The following SUZ12 variants were observed in gnomAD, a reference collection of about 807,000 sequenced individuals.
SUZ12 encodes SUZ12 polycomb repressive complex 2 subunit, also known as polycomb protein SUZ12.
SUZ12 carries 17 observed loss-of-function variants against 87.3 expected under a neutral mutation model. The observed-to-expected ratio is 0.19, with a 90% CI of 0.13 to 0.29. The LOEUF is 0.29. Among genes scored for constraint, SUZ12 ranks in the 10% least tolerant of loss-of-function variants. SUZ12 has a pLI of 1.00. For synonymous variants in SUZ12, 253 were observed against 312.4 expected (o/e 0.81, Z 2.01); for missense variants, 526 against 912.2 (o/e 0.58, Z 5.45).
Position 31,953,271 on chromosome 17 carries a change from A to G in SUZ12, c.455+5586A>G, listed in dbSNP as rs537581190. 1.9e-4 allele frequency among the ~76,000 whole-genome samples: 29 copies of G among 151,826 alleles called. 1 individual carries two copies. The South Asian group carries it at 6.0e-3, about 32-fold the overall frequency. ...CAGGCATCTGCCACCACACCTGGCT[A>G]ATTTTTGTTTTTTGTTTTCCAGTAG... On this transcript the variant is annotated intron_variant, in intron 4 of 15. Transcript: ENST00000322652.
chr17:31,966,905 A>T (rs1465636567), intron 5 of SUZ12: 1 of 152,214 alleles, frequency 6.6e-6, no homozygotes, highest in African/African-American at 2.4e-5. Context: ...AAATACGGCC[A>T]GGCGCAGTGG....
intron 4 of SUZ12, among the ~76,000 whole-genome samples, chr17:31,947,902 A>G (rs1273110030): frequency 6.6e-6 from 1 of 152,126 alleles, no homozygotes; most frequent in East Asian, 1.9e-4. Flanking sequence ...GTGTAGTTGT[A>G]TTTATTATTG....
At position 31,994,701 on chromosome 17, in the gene SUZ12, C is replaced by T. The variant is rs2142216067; in HGVS notation, c.1575C>T (p.Ile525=). ...SRNGPVKRTP[I]THILVCRPKR... ...ACGGACCAGTTAAGAGAACACCTAT[C>T]ACACATATTCTTGTGTGCAGGTAGG... The change falls in exon 13 of 16, where the codon ATC becomes ATT. Residue 525 remains isoleucine, a synonymous_variant. Transcript: ENST00000322652. 6.2e-7 allele frequency: 1 copy of T among 1,613,652 alleles called. No individual in the cohort carries two copies. The highest frequency in any genetic ancestry group is 1.3e-5 in the African/African-American group (1 of 75,014).
chr17:31,937,199 CG>C lies in SUZ12; in HGVS notation c.-44del, dbSNP rs1338475190. ...GTTGGTATTGCAGGCGCTTGCTCTC[CG>C]GGGCCGCCCGGCGGGTAGCTGGCGG... On this transcript the variant is annotated 5_prime_UTR_variant, in exon 1 of 16. Transcript: ENST00000322652. The C allele has an allele frequency of 2.2e-6, 3 of 1,390,874 alleles. No homozygotes were observed. The highest frequency in any genetic ancestry group is 1.6e-5 in the South Asian group (1 of 62,280). 86.2% of individuals were successfully genotyped at this position (1,390,874 alleles called of 1,614,324 possible).
intron 15 of SUZ12, among the ~76,000 whole-genome samples, chr17:31,997,417 C>T (rs1170618185): frequency 6.6e-6 from 1 of 152,122 alleles, no homozygotes; most frequent in African/African-American, 2.4e-5. Flanking sequence ...AATCCCAGTA[C>T]TTTGGGAGGC....
chr17:31,974,759 T>G (rs1488050288), intron 6 of SUZ12, among the ~76,000 whole-genome samples: 1 of 152,116 alleles, frequency 6.6e-6, no homozygotes, highest in Admixed American at 6.6e-5. Context: ...AAATAGAAAT[T>G]TTTTTAGACT....
intron 4 of SUZ12, among the ~76,000 whole-genome samples, chr17:31,954,143 A>G (rs1173414409): frequency 1.3e-5 from 2 of 151,828 alleles, no homozygotes; most frequent in East Asian, 1.9e-4. Flanking sequence ...GCTCACTGCA[A>G]CCTCCGCCTC....
chr17:31,986,243 A>G (rs954147180), intron 9 of SUZ12, among the ~76,000 whole-genome samples: 9 of 152,080 alleles, frequency 5.9e-5, no homozygotes, highest in Admixed American at 3.9e-4. Flanking sequence ...TGCCCGGCCT[A>G]TCTGGAAGCT....
intron 4 of SUZ12, among the ~76,000 whole-genome samples, chr17:31,952,298 G>C (rs1361385868): frequency 6.6e-6 from 1 of 152,178 alleles, no homozygotes; most frequent in African/African-American, 2.4e-5. Context: ...GGCCTCAAGT[G>C]ATCCTTTCAG....
intron 4 of SUZ12, among the ~76,000 whole-genome samples, chr17:31,957,398 C>T (rs1428954468): frequency 6.6e-6 from 1 of 151,854 alleles, no homozygotes; most frequent in Non-Finnish European, 1.5e-5. Flanking sequence ...CACCACCATA[C>T]CCGGATAATT....
Position 31,994,626 on chromosome 17 carries a change from A to C in SUZ12, c.1500A>C (p.Ala500=). Residue 500 remains alanine, a synonymous_variant, in exon 13 of 16, where the codon GCA becomes GCC. Coordinates refer to ENST00000322652, the MANE Select transcript of SUZ12 (RefSeq NM_015355.4). The part of the protein sequence containing the change: ...SINECYDGSY[A]GNPQDIHRQP... ...ATGAGTGTTATGATGGCTCCTATGC[A>C]GGAAATCCTCAGGATATTCATCGCC... 2 of 1,614,092 alleles carry C rather than the reference A, an allele frequency of 1.2e-6. No individual in the cohort carries two copies. Among genetic ancestry groups the C allele is most frequent in the Middle Eastern group, 3.3e-4 (2 of 6,062 alleles).
chr17:31,963,490 A>AT (rs984209743), intron 4 of SUZ12, among the ~76,000 whole-genome samples: 27 of 113,724 alleles, frequency 2.4e-4, no homozygotes, highest in Middle Eastern at 4.3e-3. Context: ...GTTCTTAGGT[A>AT]TTTTTTTTGT....
Position 32,000,021 on chromosome 17 carries a change from G to A in SUZ12, c.*1018G>A, listed in dbSNP as rs917981560. ...GATAAGCTGACTTGAATCATTTTGA[G>A]CAATTTTGCCCTGTGTTATATGTGT... On this transcript the variant is annotated 3_prime_UTR_variant, in exon 16 of 16. Coordinates refer to ENST00000322652, the MANE Select transcript of SUZ12 (RefSeq NM_015355.4). 4.3e-6 allele frequency: 1 copy of A among 232,668 alleles called. No individual in the cohort carries two copies. Among genetic ancestry groups the A allele is most frequent in the Non-Finnish European group, 8.5e-6 (1 of 117,806 alleles). The allele number at this position is 232,668 out of a possible 1,614,324, so 14.4% of individuals were successfully genotyped here.
chr17:31,947,663 A>G lies in SUZ12; in HGVS notation c.433A>G (p.Lys145Glu), dbSNP rs1184249800. Residue 145 changes from lysine to glutamate, a missense_variant, in exon 4 of 16, where the codon AAA (lysine) becomes GAA (glutamate). Coordinates refer to ENST00000322652, the MANE Select transcript of SUZ12 (RefSeq NM_015355.4). ...TATGTTATCAAAAGTAGAGAAAATGAAAGGAGAGCAAGAATCTCATAGGTA... is the reference window on the plus strand; with the variant it reads ...TATGTTATCAAAAGTAGAGAAAATGGAAGGAGAGCAAGAATCTCATAGGTA... ...DDMLSKVEKM[K>E]GEQESHSLSA... 1.2e-6 allele frequency: 2 copies of G among 1,607,434 alleles called. No homozygotes were observed. Among genetic ancestry groups the G allele is most frequent in the South Asian group, 1.1e-5 (1 of 90,550 alleles).
chr17:31,959,912 C>T (rs1907592501), intron 4 of SUZ12, among the ~76,000 whole-genome samples: 1 of 152,188 alleles, frequency 6.6e-6, no homozygotes, highest in African/African-American at 2.4e-5. Flanking sequence ...TTCTTGTTAT[C>T]ATGTGTCTTA....
chr17:31,950,108 T>TCC (rs1377688288), intron 4 of SUZ12, among the ~76,000 whole-genome samples: 1 of 152,080 alleles, frequency 6.6e-6, no homozygotes, highest in Non-Finnish European at 1.5e-5. Context: ...TGCCTCAGCC[T>TCC]CCCAAGTAGC....
chr17:31,979,154 A>G (rs1180890606), intron 8 of SUZ12, among the ~76,000 whole-genome samples: 1 of 151,006 alleles, frequency 6.6e-6, no homozygotes, highest in Non-Finnish European at 1.5e-5. Flanking sequence ...AAGTTGAAAG[A>G]ATACTAAAGT....
intron 4 of SUZ12, among the ~76,000 whole-genome samples, chr17:31,964,530 C>T (rs1213403111): frequency 1.3e-5 from 2 of 152,070 alleles, no homozygotes; most frequent in Non-Finnish European, 2.9e-5. Flanking sequence ...CCTCGGCCTC[C>T]TGAGTAGCTG....
At chr17:31,998,233 C>T (rs1910083546) in intron 15 of SUZ12, among the ~76,000 whole-genome samples, 1 of 152,056 alleles carries the variant, frequency 6.6e-6, no homozygotes, top group Non-Finnish European at 1.5e-5. Flanking sequence ...GCACCCGCCA[C>T]CACACCCAGC....
Sources: allele counts gnomAD v4.1 joint callset (sites outside exome capture counted in the v4.1 genomes callset), GRCh38; gene constraint gnomAD v4.1.1; transcripts MANE v1.5; gene names NCBI Gene and HGNC (gene_info 2026-07-23, HGNC 2026-07-21).